Variants in FHIT observed in about 807,000 individuals in gnomAD.
The protein encoded by FHIT is fragile histidine triad diadenosine triphosphatase, also known as bis(5'-adenosyl)-triphosphatase.
In FHIT, 19 loss-of-function variants were observed where a neutral mutation model predicts 17.9. The observed-to-expected ratio is 1.06, with a 90% CI of 0.74 to 1.56. FHIT has a LOEUF of 1.56. FHIT is among the 40% of genes most tolerant of loss of function. The pLI is 0.00. For synonymous variants in FHIT, 81 were observed against 69.7 expected, an observed-to-expected ratio of 1.16 and a Z score of -0.81; for missense variants, 248 against 189.2, an observed-to-expected ratio of 1.31 and a Z score of -1.82.
intron 3 of FHIT, among the ~76,000 whole-genome samples, chr3:60,976,217 T>C (rs1165244206): frequency 1.3e-5 from 2 of 150,490 alleles, no homozygotes; most frequent in African/African-American, 4.9e-5. Context: ...AGTGATTCTT[T>C]TGCCTCAGCC....
chr3:59,857,628 T>G (rs2106825715), intron 8 of FHIT, among the ~76,000 whole-genome samples: 1 of 151,534 alleles, frequency 6.6e-6, no homozygotes, highest in Non-Finnish European at 1.5e-5. Context: ...CAGTTTGTCC[T>G]ATGAGCGTGG....
rs147800277 is a variant in FHIT at position 60,121,051 on chromosome 3, C to T, written c.104-106899G>A. On this transcript the variant is annotated intron_variant, in intron 5 of 9. Coordinates refer to ENST00000492590, the MANE Select transcript of FHIT (RefSeq NM_002012.4). ...AACCCTCAAAAGATAATTAAAGAAT[C>T]ATGAAATCTTCTTGTGATTTCATTT... is the stretch of plus-strand genomic sequence containing the variant. Among the ~76,000 whole-genome samples, 557 of 152,230 alleles carry T rather than the reference C, an allele frequency of 3.7e-3. 1 individual carries two copies. The highest frequency in any genetic ancestry group is 5.2e-3 in the Non-Finnish European group (352 of 68,012).
intron 5 of FHIT, among the ~76,000 whole-genome samples, chr3:60,226,493 A>AAAAAAAAAAGAAAAC (rs200934161): frequency 1.4e-5 from 2 of 147,148 alleles, no homozygotes; most frequent in African/African-American, 5.3e-5. Flanking sequence ...AAAAAAAAAA[A>AAAAAAAAAAGAAAAC]ACACTGCCTG....
chr3:60,985,351 C>T (rs1208924904), intron 3 of FHIT, among the ~76,000 whole-genome samples: 1 of 152,062 alleles, frequency 6.6e-6, no homozygotes, highest in Non-Finnish European at 1.5e-5. Flanking sequence ...CAGTGGTCAG[C>T]CTTTGTTTTG....
chr3:60,849,404 T>A (rs1039125231), intron 3 of FHIT, among the ~76,000 whole-genome samples: 8 of 147,672 alleles, frequency 5.4e-5, no homozygotes, highest in Non-Finnish European at 4.5e-5. Context: ...AATAAAATTG[T>A]CATTTCCCTA....
At chr3:60,959,768 T>A (rs139325105) in intron 3 of FHIT, among the ~76,000 whole-genome samples, 2 of 147,556 alleles carry the variant, frequency 1.4e-5, no homozygotes, top group South Asian at 4.2e-4. Context: ...AAAAACCAGG[T>A]GAGCAAGATG....
chr3:61,138,552 C>G (rs2036982756), intron 2 of FHIT, among the ~76,000 whole-genome samples: 1 of 152,208 alleles, frequency 6.6e-6, no homozygotes, highest in Non-Finnish European at 1.5e-5. Context: ...CACACTGGCA[C>G]TTAATAAAGG....
At chr3:61,132,829 C>T (rs774319707) in intron 2 of FHIT, among the ~76,000 whole-genome samples, 1 of 151,862 alleles carries the variant, frequency 6.6e-6, no homozygotes, top group Non-Finnish European at 1.5e-5. Flanking sequence ...AGGGAGCTAT[C>T]GATGGTTTTA....
intron 8 of FHIT, among the ~76,000 whole-genome samples, chr3:59,918,408 C>A (rs953917294): frequency 6.6e-6 from 1 of 151,976 alleles, no homozygotes; most frequent in Non-Finnish European, 1.5e-5. Flanking sequence ...TAGAGTTACT[C>A]TAGAGGGGAC....
At chr3:60,095,899 C>G (rs975394593) in intron 5 of FHIT, among the ~76,000 whole-genome samples, 1 of 152,212 alleles carries the variant, frequency 6.6e-6, no homozygotes, top group African/African-American at 2.4e-5. Context: ...GCTTACATCC[C>G]AGAGCTCCTG....
chr3:60,155,094 G>A (rs1423225430), intron 5 of FHIT, among the ~76,000 whole-genome samples: 1 of 151,710 alleles, frequency 6.6e-6, no homozygotes, highest in Non-Finnish European at 1.5e-5. Flanking sequence ...GACTGAGGTG[G>A]GAGGACCACC....
chr3:60,147,430 G>A (rs1017971988), intron 5 of FHIT, among the ~76,000 whole-genome samples: 1 of 152,134 alleles, frequency 6.6e-6, no homozygotes, highest in African/African-American at 2.4e-5. Flanking sequence ...AAACTGTGAG[G>A]CACTATAGGA....
chr3:60,800,207 T>A (rs759167849), intron 4 of FHIT, among the ~76,000 whole-genome samples: 1 of 152,220 alleles, frequency 6.6e-6, no homozygotes, highest in Non-Finnish European at 1.5e-5. Context: ...CTTTCACTAA[T>A]TCAAACACAC....
At chr3:59,757,860 G>C (rs958259285) in intron 8 of FHIT, among the ~76,000 whole-genome samples, 3 of 152,092 alleles carry the variant, frequency 2.0e-5, no homozygotes, top group African/African-American at 7.2e-5. Flanking sequence ...TTTTAGATCT[G>C]ATCCTCTCTT....
chr3:59,914,455 T>C (rs1705035383), intron 8 of FHIT, among the ~76,000 whole-genome samples: 1 of 152,200 alleles, frequency 6.6e-6, no homozygotes, highest in Admixed American at 6.5e-5. Context: ...TGCTGGCATG[T>C]GGCACATGAA....
At chr3:59,900,837 C>A (rs999577110) in intron 8 of FHIT, among the ~76,000 whole-genome samples, 1 of 152,090 alleles carries the variant, frequency 6.6e-6, no homozygotes, top group African/African-American at 2.4e-5. Flanking sequence ...TGGTCTCGAA[C>A]TCCTGACCTC....
At chr3:61,216,095 T>C (rs1468792907) in intron 1 of FHIT, among the ~76,000 whole-genome samples, 1 of 152,164 alleles carries the variant, frequency 6.6e-6, no homozygotes, top group Non-Finnish European at 1.5e-5. Context: ...AAGGACTTCA[T>C]GTCTAAAACA....
At chr3:61,000,687 C>T (rs1218109724) in intron 3 of FHIT, among the ~76,000 whole-genome samples, 2 of 152,198 alleles carry the variant, frequency 1.3e-5, no homozygotes, top group East Asian at 3.9e-4. Flanking sequence ...GGGACAACAA[C>T]CTGGTGAGTT....
chr3:59,927,369 G>T (rs1399403498), intron 7 of FHIT, among the ~76,000 whole-genome samples: 4 of 151,492 alleles, frequency 2.6e-5, no homozygotes, highest in Non-Finnish European at 4.4e-5. Flanking sequence ...AGTGATGGTT[G>T]CACAACTTTG....
Sources: allele counts gnomAD v4.1 joint callset (sites outside exome capture counted in the v4.1 genomes callset), GRCh38; gene constraint gnomAD v4.1.1; transcripts MANE v1.5; gene names NCBI Gene and HGNC (gene_info 2026-07-23, HGNC 2026-07-21).